The following ULK4 variants were observed in gnomAD, a reference collection of about 807,000 sequenced individuals.
The protein encoded by ULK4 is inactive serine/threonine-protein kinase ULK4.
A neutral mutation model predicts 160.6 loss-of-function variants in ULK4; 133 were observed. The ratio of observed to expected loss-of-function variants is 0.83; its 90% CI spans 0.72 to 0.96. The LOEUF (loss-of-function observed/expected upper bound fraction) is 0.96. Among genes scored for constraint, ULK4 ranks in the 40% least tolerant of loss-of-function variants. ULK4 has a pLI of 0.00. For synonymous variants in ULK4, 534 were observed against 539.8 expected (o/e 0.99, Z 0.15); for missense variants, 1,580 against 1,499.5 (o/e 1.05, Z -0.89).
At chr3:41,519,720 G>A (rs2085867367) in intron 32 of ULK4, among the ~76,000 whole-genome samples, 1 of 152,192 alleles carries the variant, frequency 6.6e-6, no homozygotes, top group South Asian at 2.1e-4. Context: ...GGTAAAATGG[G>A]AACTTTAATA....
intron 27 of ULK4, among the ~76,000 whole-genome samples, chr3:41,685,737 A>G (rs2036079407): frequency 6.6e-6 from 1 of 152,172 alleles, no homozygotes; most frequent in South Asian, 2.1e-4. Flanking sequence ...GTTTTGACTA[A>G]TAAAAATTTC....
chr3:41,296,309 G>A (rs1030315068), intron 35 of ULK4, among the ~76,000 whole-genome samples: 5 of 152,014 alleles, frequency 3.3e-5, no homozygotes, highest in African/African-American at 7.3e-5. Flanking sequence ...TACGTACCTC[G>A]GTTTGAAAGA....
intron 22 of ULK4, among the ~76,000 whole-genome samples, chr3:41,739,372 A>G (rs2038163566): frequency 6.6e-6 from 1 of 152,072 alleles, no homozygotes; most frequent in East Asian, 1.9e-4. Context: ...ATGGTTCAGT[A>G]CAAGATGCTG....
intron 35 of ULK4, among the ~76,000 whole-genome samples, chr3:41,310,558 C>T (rs12491599): frequency 0.18 from 26,912 of 152,048 alleles, 3,033 homozygotes; most frequent in African/African-American, 0.32. Context: ...TAAATGCAAA[C>T]AGGATAAACT....
intron 17 of ULK4, among the ~76,000 whole-genome samples, chr3:41,866,924 C>T (rs974492592): frequency 3.9e-5 from 6 of 152,168 alleles, no homozygotes; most frequent in Non-Finnish European, 5.9e-5. Flanking sequence ...TTTTAACATA[C>T]ATTAGACTCA....
At position 41,605,048 on chromosome 3, in the gene ULK4, G is replaced by T. The variant is rs1201025449; in HGVS notation, c.3120+10621C>A. Among the ~76,000 whole-genome samples, 5 of 151,950 alleles carry T rather than the reference G, an allele frequency of 3.3e-5. No individual in the cohort carries two copies. The East Asian group carries it at 9.7e-4, about 29-fold the overall frequency. ...TGTTCAATGATCTCTCAGCTACTTT[G>T]TCCAGTAGTCTATTTGGAGGTGACT... On this transcript the variant is annotated intron_variant, in intron 31 of 36. Transcript: ENST00000301831.
chr3:41,306,117 CGGGA>C (rs1399778752), intron 35 of ULK4, among the ~76,000 whole-genome samples: 1 of 102,938 alleles, frequency 9.7e-6, no homozygotes, highest in African/African-American at 4.6e-5. Context: ...CCACCCCGTC[CGGGA>C]GGGAGGTGGG....
intron 34 of ULK4, among the ~76,000 whole-genome samples, chr3:41,419,706 G>A (rs961346439): frequency 7.9e-5 from 12 of 152,148 alleles, no homozygotes; most frequent in Non-Finnish European, 1.6e-4. Context: ...CTGGAGCAAA[G>A]TGCTGGCATC....
At chr3:41,339,440 G>A (rs1285902352) in intron 35 of ULK4, among the ~76,000 whole-genome samples, 2 of 152,136 alleles carry the variant, frequency 1.3e-5, no homozygotes, top group Non-Finnish European at 2.9e-5. Context: ...ACTCCCTGTG[G>A]AATCAGGATG....
At chr3:41,264,347 T>C (rs1366710952) in intron 35 of ULK4, among the ~76,000 whole-genome samples, 4 of 152,216 alleles carry the variant, frequency 2.6e-5, no homozygotes, top group South Asian at 2.1e-4. Flanking sequence ...GCTGACACAG[T>C]GCCTCCTCCC....
At chr3:41,692,778 A>G (rs1472868310) in intron 27 of ULK4, among the ~76,000 whole-genome samples, 1 of 152,220 alleles carries the variant, frequency 6.6e-6, no homozygotes, top group African/African-American at 2.4e-5. Context: ...GCAGAGACCT[A>G]CTGAACTTTT....
At chr3:41,856,057 T>C (rs1024774385) in intron 17 of ULK4, among the ~76,000 whole-genome samples, 1 of 152,198 alleles carries the variant, frequency 6.6e-6, no homozygotes, top group Non-Finnish European at 1.5e-5. Flanking sequence ...AAAGAATTCT[T>C]TGATGTGAGA....
intron 32 of ULK4, among the ~76,000 whole-genome samples, chr3:41,464,204 C>G (rs2083768110): frequency 6.6e-6 from 1 of 152,120 alleles, no homozygotes; most frequent in African/African-American, 2.4e-5. Context: ...CTCTTCTATA[C>G]AGTGCACCTT....
chr3:41,336,413 G>A (rs1324884072), intron 35 of ULK4, among the ~76,000 whole-genome samples: 1 of 152,116 alleles, frequency 6.6e-6, no homozygotes, highest in East Asian at 1.9e-4. Flanking sequence ...TCCAAATTAG[G>A]GAAGAAAAAG....
chr3:41,413,872 C>A (rs9832048), intron 34 of ULK4, among the ~76,000 whole-genome samples: 86,746 of 151,960 alleles, frequency 0.57, 26,341 homozygotes, highest in African/African-American at 0.81. Flanking sequence ...GCCCAGATAC[C>A]TTTGAACTTC....
intron 19 of ULK4, among the ~76,000 whole-genome samples, chr3:41,812,786 T>TG (rs2040854881): frequency 6.6e-6 from 1 of 152,208 alleles, no homozygotes; most frequent in Admixed American, 6.5e-5. Context: ...ATTTTCTCCT[T>TG]GGGATCACTG....
rs529121200 is a variant in ULK4 at position 41,917,830 on chromosome 3, A to G, written c.727+627T>C. Among the ~76,000 whole-genome samples the G allele has an allele frequency of 3.3e-3, 503 of 151,996 alleles. 1 individual carries two copies. The highest frequency in any genetic ancestry group is 5.0e-3 in the Non-Finnish European group (340 of 67,986). Reference sequence around the variant, plus strand: ...CCCCGTCTCTAATAAAAAACAAAAAACAAAAAATTAGCCGGGTGCCGTGGT... The same window carrying G: ...CCCCGTCTCTAATAAAAAACAAAAAGCAAAAAATTAGCCGGGTGCCGTGGT... On this transcript the variant is annotated intron_variant, in intron 7 of 36. Coordinates refer to ENST00000301831, the MANE Select transcript of ULK4 (RefSeq NM_017886.4).
chr3:41,700,465 C>T (rs1253428943), intron 27 of ULK4, among the ~76,000 whole-genome samples: 1 of 152,186 alleles, frequency 6.6e-6, no homozygotes, highest in East Asian at 1.9e-4. Context: ...CTCCTGACAA[C>T]TGAGGAGGCT....
Position 41,348,128 on chromosome 3 carries a change from G to A in ULK4, c.3678+49951C>T, listed in dbSNP as rs1324210624. Among the ~76,000 whole-genome samples, 3 of 142,828 alleles carry A rather than the reference G, an allele frequency of 2.1e-5. No homozygotes were observed. The Admixed American group carries it at 2.2e-4, about 11-fold the overall frequency. 93.7% of individuals were successfully genotyped at this position (142,828 alleles called of 152,430 possible). A position where few individuals can be genotyped will look rare whatever the true frequency, so the allele number is the denominator to read the frequency against. On this transcript the variant is annotated intron_variant, in intron 35 of 36. Transcript: ENST00000301831. ...GGAGGCTGAGGCAGGAGAATCGCTT[G>A]AACCTGGGAGGTGGAGGTTGCAGTG...
Sources: gnomAD v4.1 joint callset for allele counts (sites outside exome capture counted in the v4.1 genomes callset) on GRCh38, gnomAD v4.1.1 for gene constraint, MANE v1.5 for transcripts, NCBI Gene and HGNC (gene_info 2026-07-23, HGNC 2026-07-21) for gene names.